Variants in KCNQ3 observed in about 807,000 individuals in gnomAD.
KCNQ3 encodes potassium voltage-gated channel subfamily KQT member 3.
A neutral mutation model predicts 92.5 loss-of-function variants in KCNQ3; 30 were observed. The ratio of observed to expected loss-of-function variants is 0.32; its 90% confidence interval spans 0.24 to 0.44. The LOEUF (loss-of-function observed/expected upper bound fraction) is 0.44. Among genes scored for constraint, KCNQ3 ranks in the 20% least tolerant of loss-of-function variants. KCNQ3 has a pLI of 1.00. For synonymous variants in KCNQ3, 450 were observed against 468.8 expected (o/e 0.96, Z 0.52); for missense variants, 913 against 1,140.3 (o/e 0.80, Z 2.87).
intron 1 of KCNQ3, among the ~76,000 whole-genome samples, chr8:132,453,939 G>A (rs1231651488): frequency 6.6e-5 from 10 of 152,188 alleles, no homozygotes; most frequent in East Asian, 1.9e-4. Flanking sequence ...GCCAGTGTTC[G>A]CATCTGGGGT....
chr8:132,219,023 T>C (rs768990102), intron 1 of KCNQ3, among the ~76,000 whole-genome samples: 5 of 152,146 alleles, frequency 3.3e-5, no homozygotes, highest in Non-Finnish European at 5.9e-5. Context: ...CACAAAACTC[T>C]CTGTAAGGTG....
intron 8 of KCNQ3, among the ~76,000 whole-genome samples, chr8:132,169,234 A>G (rs1826236179): frequency 6.6e-6 from 1 of 152,154 alleles, no homozygotes; most frequent in Admixed American, 6.5e-5. Context: ...GGATGCATTT[A>G]CCATCACACT....
At chr8:132,147,316 T>C (rs906610711) in intron 9 of KCNQ3, among the ~76,000 whole-genome samples, 8 of 148,542 alleles carry the variant, frequency 5.4e-5, no homozygotes, top group Non-Finnish European at 1.2e-4. Context: ...AGTTGTGCAA[T>C]CACATAGGTA....
chr8:132,297,533 C>G (rs986388295), intron 1 of KCNQ3, among the ~76,000 whole-genome samples: 11 of 152,104 alleles, frequency 7.2e-5, no homozygotes, highest in African/African-American at 2.7e-4. Context: ...TTTCCTAGAG[C>G]CTTTCCCACT....
At position 132,467,622 on chromosome 8, in the gene KCNQ3, A is replaced by C. The variant is rs534676487; in HGVS notation, c.386+12525T>G. ...TGATCCCTCAGCCCGACCTGCGTTT[A>C]CTCCTCCTACTGTTCATTTATAAAC... On this transcript the variant is annotated intron_variant, in intron 1 of 14. Transcript: ENST00000388996. 2.3e-4 allele frequency among the ~76,000 whole-genome samples: 35 copies of C among 152,160 alleles called. No individual in the cohort carries two copies. In the East Asian group the frequency reaches 3.1e-3, roughly 13 times the overall value.
intron 1 of KCNQ3, among the ~76,000 whole-genome samples, chr8:132,204,719 T>C (rs774006157): frequency 6.6e-6 from 1 of 152,238 alleles, no homozygotes; most frequent in Non-Finnish European, 1.5e-5. Context: ...CCATGTGCAC[T>C]TGGTCACGTT....
At chr8:132,159,384 A>G (rs1466169446) in intron 9 of KCNQ3, among the ~76,000 whole-genome samples, 2 of 152,176 alleles carry the variant, frequency 1.3e-5, no homozygotes, top group Non-Finnish European at 2.9e-5. Context: ...GTTGCTAAGT[A>G]TAGTATCTTA....
chr8:132,380,701 C>A (rs1262316222), intron 1 of KCNQ3, among the ~76,000 whole-genome samples: 4 of 151,056 alleles, frequency 2.6e-5, no homozygotes, highest in African/African-American at 9.8e-5. Context: ...GGAGTCAGTC[C>A]CACAGCTGAG....
intron 9 of KCNQ3, among the ~76,000 whole-genome samples, chr8:132,163,111 C>G (rs1437819): frequency 0.31 from 46,442 of 151,954 alleles, 7,606 homozygotes; most frequent in South Asian, 0.4. Context: ...GAATTTTGGT[C>G]TTGCCACTCA....
intron 1 of KCNQ3, among the ~76,000 whole-genome samples, chr8:132,337,306 A>C (rs1316336357): frequency 1.3e-5 from 2 of 152,120 alleles, no homozygotes; most frequent in Non-Finnish European, 2.9e-5. Flanking sequence ...ATGAGCAATA[A>C]AGTGAGAGCA....
chr8:132,319,904 C>T (rs1383432262), intron 1 of KCNQ3, among the ~76,000 whole-genome samples: 1 of 152,210 alleles, frequency 6.6e-6, no homozygotes, highest in Non-Finnish European at 1.5e-5. Context: ...TCAATCTAAC[C>T]TTCTCAGCTC....
intron 1 of KCNQ3, among the ~76,000 whole-genome samples, chr8:132,359,339 G>T (rs1008694081): frequency 6.6e-6 from 1 of 152,196 alleles, no homozygotes; most frequent in African/African-American, 2.4e-5. Flanking sequence ...TCCCAGCATT[G>T]TTGGTGCATG....
At chr8:132,443,022 G>T (rs774585949) in intron 1 of KCNQ3, among the ~76,000 whole-genome samples, 1 of 152,100 alleles carries the variant, frequency 6.6e-6, no homozygotes, top group African/African-American at 2.4e-5. Flanking sequence ...CCTCATCTGC[G>T]GCCGGTAATC....
chr8:132,350,418 T>C (rs1818826446), intron 1 of KCNQ3, among the ~76,000 whole-genome samples: 1 of 151,994 alleles, frequency 6.6e-6, no homozygotes, highest in Admixed American at 6.5e-5. Context: ...ACAGAAGGGT[T>C]TACAGGTAAG....
chr8:132,176,398 C>T (rs572731881), intron 4 of KCNQ3, among the ~76,000 whole-genome samples: 7,834 of 152,236 alleles, frequency 0.051, 309 homozygotes, highest in Non-Finnish European at 0.075. Context: ...AACTTTCTCT[C>T]TTTCTCTCAT....
intron 1 of KCNQ3, among the ~76,000 whole-genome samples, chr8:132,441,495 C>T (rs186753062): frequency 0.012 from 1,888 of 152,118 alleles, 22 homozygotes; most frequent in Non-Finnish European, 0.021. Flanking sequence ...CAGAGCTTGC[C>T]GTGAGCCGAG....
chr8:132,442,406 T>C lies in KCNQ3; in HGVS notation c.386+37741A>G, dbSNP rs1329332354. Among the ~76,000 whole-genome samples the C allele has an allele frequency of 7.9e-5, 12 of 152,274 alleles. No individual in the cohort carries two copies. The East Asian group carries it at 2.3e-3, about 29-fold the overall frequency. ...GACATTTATTTTTGTAATTCCTTGATCAATGTCTGTCTCCCCCACCAGGCT... is the reference window on the plus strand; with the variant it reads ...GACATTTATTTTTGTAATTCCTTGACCAATGTCTGTCTCCCCCACCAGGCT... On this transcript the variant is annotated intron_variant, in intron 1 of 14. Coordinates refer to ENST00000388996, the MANE Select transcript of KCNQ3 (RefSeq NM_004519.4).
intron 1 of KCNQ3, among the ~76,000 whole-genome samples, chr8:132,285,022 T>C (rs1383714185): frequency 6.6e-6 from 1 of 152,174 alleles, no homozygotes; most frequent in Non-Finnish European, 1.5e-5. Context: ...GAACTATGAG[T>C]CAAAATAAAC....
intron 1 of KCNQ3, among the ~76,000 whole-genome samples, chr8:132,353,376 T>C (rs1224684994): frequency 2.0e-5 from 3 of 152,000 alleles, no homozygotes; most frequent in Non-Finnish European, 4.4e-5. Flanking sequence ...AAAAAAAATA[T>C]TGATCGACAA....
Sources: gnomAD v4.1 joint callset for allele counts (sites outside exome capture counted in the v4.1 genomes callset) on GRCh38, gnomAD v4.1.1 for gene constraint, MANE v1.5 for transcripts, NCBI Gene and HGNC (gene_info 2026-07-23, HGNC 2026-07-21) for gene names.